RALA: variants seen among roughly 807,000 people sequenced by gnomAD.
RALA encodes the protein ras-related protein Ral-A.
A neutral mutation model predicts 24.0 loss-of-function variants in RALA; 5 were observed. The observed-to-expected ratio is 0.21, with a 90% CI of 0.11 to 0.44. RALA has a LOEUF of 0.44. Among genes scored for constraint, RALA ranks in the 20% least tolerant of loss-of-function variants. The probability of loss-of-function intolerance (pLI) is 0.99; values close to 1 mark genes in which losing one functional copy is unlikely to be tolerated. For missense variants in RALA, 95 were observed against 241.2 expected (o/e 0.39, Z 4.01); for synonymous variants, 77 against 83.8 (o/e 0.92, Z 0.44).
intron 1 of RALA, among the ~76,000 whole-genome samples, chr7:39,685,727 T>G (rs1792687790): frequency 6.6e-6 from 1 of 151,862 alleles, no homozygotes; most frequent in African/African-American, 2.4e-5. Flanking sequence ...GATGTTCCAG[T>G]AATCTGTTAG....
intron 1 of RALA, among the ~76,000 whole-genome samples, chr7:39,642,773 C>A (rs577643903): frequency 6.6e-6 from 1 of 152,188 alleles, no homozygotes; most frequent in African/African-American, 2.4e-5. Flanking sequence ...TTTTTGAGCA[C>A]TTGTTAAATA....
At chr7:39,642,681 ATATG>A (rs1791840358) in intron 1 of RALA, among the ~76,000 whole-genome samples, 1 of 152,228 alleles carries the variant, frequency 6.6e-6, no homozygotes, top group Non-Finnish European at 1.5e-5. Context: ...ATATTTAAAA[ATATG>A]TCCTCTTTGA....
At chr7:39,686,295 C>A (rs1190628270) in intron 1 of RALA, among the ~76,000 whole-genome samples, 1 of 151,820 alleles carries the variant, frequency 6.6e-6, no homozygotes, top group South Asian at 2.1e-4. Flanking sequence ...AGCCTGCTTT[C>A]GTATCTGTGT....
intron 1 of RALA, among the ~76,000 whole-genome samples, chr7:39,650,166 T>C (rs932646665): frequency 5.3e-5 from 8 of 152,166 alleles, no homozygotes; most frequent in African/African-American, 1.7e-4. Flanking sequence ...TTGAGTTGGC[T>C]AGAGGGAATG....
chr7:39,633,769 C>T (rs1217548992), intron 1 of RALA, among the ~76,000 whole-genome samples: 1 of 152,082 alleles, frequency 6.6e-6, no homozygotes, highest in Non-Finnish European at 1.5e-5. Flanking sequence ...TTTATTTATG[C>T]GAATCCACTC....
intron 1 of RALA, among the ~76,000 whole-genome samples, chr7:39,682,850 T>C (rs1792630673): frequency 6.6e-6 from 1 of 152,184 alleles, no homozygotes. Flanking sequence ...TTCACCATGT[T>C]GGCCAGGCTG....
chr7:39,666,822 A>G (rs1792294017), intron 1 of RALA, among the ~76,000 whole-genome samples: 1 of 152,248 alleles, frequency 6.6e-6, no homozygotes, highest in African/African-American at 2.4e-5. Context: ...CTTTGTTGCT[A>G]TAGAGTCAGT....
intron 1 of RALA, among the ~76,000 whole-genome samples, chr7:39,641,519 A>G (rs991347176): frequency 2.0e-5 from 3 of 152,148 alleles, no homozygotes; most frequent in Non-Finnish European, 4.4e-5. Context: ...GAGTGGGGTT[A>G]TGACCATCTT....
At chr7:39,637,437 C>A (rs1259513976) in intron 1 of RALA, among the ~76,000 whole-genome samples, 1 of 152,182 alleles carries the variant, frequency 6.6e-6, no homozygotes, top group African/African-American at 2.4e-5. Flanking sequence ...AAGATTTTAG[C>A]ACCAATTCAT....
intron 1 of RALA, among the ~76,000 whole-genome samples, chr7:39,643,463 C>G (rs1315160954): frequency 6.6e-6 from 1 of 152,182 alleles, no homozygotes; most frequent in Admixed American, 6.5e-5. Context: ...GCTCATACCT[C>G]TAACCCCAGC....
At chr7:39,691,388 G>A (rs1792815618) in intron 3 of RALA, among the ~76,000 whole-genome samples, 1 of 152,124 alleles carries the variant, frequency 6.6e-6, no homozygotes, top group Non-Finnish European at 1.5e-5. Flanking sequence ...AGCATGCAAT[G>A]TATCCTCTAT....
rs1479872065 is a variant in RALA at position 39,647,184 on chromosome 7, A to G, written c.-38+23359A>G. On this transcript the variant is annotated intron_variant, in intron 1 of 4. Transcript: ENST00000005257. ...CAGCCTCCCAAGTAGCTAGGACTAC[A>G]GGCATGTGCCAGCATGCCCAGCTGA... is the stretch of plus-strand genomic sequence containing the variant. 4.6e-5 allele frequency among the ~76,000 whole-genome samples: 7 copies of G among 152,296 alleles called. No individual in the cohort carries two copies. In the East Asian group the frequency reaches 1.2e-3, roughly 25 times the overall value.
At chr7:39,690,325 C>T in intron 2 of RALA, 57 bp from the exon 3 acceptor site, 1 of 1,449,848 alleles carries the variant, frequency 6.9e-7, no homozygotes, top group Non-Finnish European at 9.5e-7. Context: ...ATAATTATTT[C>T]AAAATAAGTT....
At chr7:39,671,120 A>C (rs1792375454) in intron 1 of RALA, among the ~76,000 whole-genome samples, 1 of 151,662 alleles carries the variant, frequency 6.6e-6, no homozygotes, top group South Asian at 2.1e-4. Context: ...CCTAGTCCTA[A>C]CTCAAGTCAT....
intron 4 of RALA, among the ~76,000 whole-genome samples, chr7:39,704,300 A>G (rs529011519): frequency 1.9e-4 from 29 of 152,074 alleles, no homozygotes; most frequent in African/African-American, 6.3e-4. Flanking sequence ...TAATTCCTCT[A>G]GTCAGTCTTA....
chr7:39,668,803 A>G lies in RALA; in HGVS notation c.-37-17828A>G, dbSNP rs551591299. On this transcript the variant is annotated intron_variant, in intron 1 of 4. Transcript: ENST00000005257. ...CAAGAGCGAAATTCCATCTCAAAAA[A>G]AAAAAAAAAAGAAAAGAAAAGATAA... 7.9e-5 allele frequency among the ~76,000 whole-genome samples: 12 copies of G among 151,466 alleles called. No individual in the cohort carries two copies. The East Asian group carries it at 2.3e-3, about 29-fold the overall frequency.
chr7:39,689,441 T>C (rs1583751957), intron 2 of RALA, among the ~76,000 whole-genome samples: 1 of 152,242 alleles, frequency 6.6e-6, no homozygotes, highest in Non-Finnish European at 1.5e-5. Flanking sequence ...GGCACTGTTA[T>C]AGGCTTTAGA....
chr7:39,703,752 G>A (rs147668660), intron 4 of RALA, among the ~76,000 whole-genome samples: 1 of 152,110 alleles, frequency 6.6e-6, no homozygotes, highest in Non-Finnish European at 1.5e-5. Context: ...CTTTGATTTT[G>A]TACTTGTATC....
At chr7:39,693,897 G>A (rs1036478671) in intron 3 of RALA, among the ~76,000 whole-genome samples, 4 of 152,132 alleles carry the variant, frequency 2.6e-5, no homozygotes, top group South Asian at 2.1e-4. Flanking sequence ...TAGTCTGTGC[G>A]GCCTATAGTC....
Sources: gnomAD v4.1 joint callset for allele counts (sites outside exome capture counted in the v4.1 genomes callset) on GRCh38, gnomAD v4.1.1 for gene constraint, MANE v1.5 for transcripts, NCBI Gene and HGNC (gene_info 2026-07-23, HGNC 2026-07-21) for gene names.